Variants in DGKH observed in about 807,000 individuals in gnomAD.
DGKH encodes DAG kinase eta.
Under a neutral mutation model 159.3 loss-of-function variants are expected in DGKH, and 90 were observed. That is an observed-to-expected ratio of 0.57 (90% CI 0.48 to 0.67). The LOEUF is 0.67. DGKH is among the 30% of genes least tolerant of loss of function. The pLI is 0.00. For missense variants in DGKH, 1,181 were observed against 1,506.1 expected, an observed-to-expected ratio of 0.78 and a Z score of 3.57; for synonymous variants, 536 against 553.8, an observed-to-expected ratio of 0.97 and a Z score of 0.45.
At chr13:42,173,522 G>T (rs1338854543) in intron 11 of DGKH, among the ~76,000 whole-genome samples, 1 of 151,994 alleles carries the variant, frequency 6.6e-6, no homozygotes, top group Admixed American at 6.6e-5. Flanking sequence ...TTTAAGAAGG[G>T]GTATTTAGCT....
Position 42,233,938 on chromosome 13 carries a change from G to C in DGKH, c.*4750G>C, listed in dbSNP as rs558550941. The stretch of plus-strand genomic sequence containing the variant: ...TACACACACATTGAATGAATTGTTA[G>C]TCATGCAAAAAAAGAAAAGGAATGA... On this transcript the variant is annotated 3_prime_UTR_variant, in exon 30 of 30. Coordinates refer to ENST00000337343, the MANE Select transcript of DGKH (RefSeq NM_178009.5). The C allele has an allele frequency of 6.6e-6, 1 of 152,202 alleles. No individual in the cohort carries two copies. The highest frequency in any genetic ancestry group is 1.5e-5 in the Non-Finnish European group (1 of 68,014). The allele number at this position is 152,202 out of a possible 1,614,324, so 9.4% of individuals were successfully genotyped here.
chr13:42,159,244 CT>C (rs57531279), intron 5 of DGKH, 21 bp from the exon 6 acceptor site: 16,651 of 214,618 alleles, frequency 0.078, 454 homozygotes, highest in East Asian at 0.21. Flanking sequence ...AGCAGTTGCT[CT>C]TTTTTTTTTT....
At chr13:42,070,095 A>T in intron 1 of DGKH, 1 of 963,372 alleles carries the variant, frequency 1.0e-6, no homozygotes, top group Non-Finnish European at 1.7e-6. Flanking sequence ...CTTCAATATG[A>T]AAAGGATGGC....
chr13:42,185,263 A>C (rs1566169213), intron 13 of DGKH, among the ~76,000 whole-genome samples: 1 of 152,248 alleles, frequency 6.6e-6, no homozygotes, highest in Non-Finnish European at 1.5e-5. Flanking sequence ...ATGGAACTTA[A>C]TGAGCAATAA....
Position 42,242,689 on chromosome 13 carries a change from A to G in DGKH, c.*13501A>G, listed in dbSNP as rs1320114801. 1 of 152,182 alleles carries G rather than the reference A, an allele frequency of 6.6e-6. No homozygotes were observed. The highest frequency in any genetic ancestry group is 2.4e-5 in the African/African-American group (1 of 41,436). The allele number at this position is 152,182 out of a possible 1,614,324, so 9.4% of individuals were successfully genotyped here. A position where few individuals can be genotyped will look rare whatever the true frequency, so the allele number is the denominator to read the frequency against. ...TTTGTTAATGTAGCTAGTAATTTTT[A>G]TGACTACTAAGTGACCAGTTTTCGG... On this transcript the variant is annotated 3_prime_UTR_variant, in exon 30 of 30. Transcript: ENST00000337343.
At chr13:42,157,596 C>T (rs371985668) in intron 5 of DGKH, among the ~76,000 whole-genome samples, 17 of 152,200 alleles carry the variant, frequency 1.1e-4, no homozygotes, top group South Asian at 2.1e-4. Flanking sequence ...TAAGCCACCA[C>T]GCCCAGCCTC....
chr13:42,221,409 C>T lies in DGKH; in HGVS notation c.3573+15C>T, dbSNP rs1183177063. On this transcript the variant is annotated intron_variant, in intron 29 of 29. Coordinates refer to ENST00000337343, the MANE Select transcript of DGKH (RefSeq NM_178009.5). ...GAGATCTTAAGGTATTTCCTTTGTGCTCTTCTGTTCTTGAAAATTTTATTG... is the reference window on the plus strand; with the variant it reads ...GAGATCTTAAGGTATTTCCTTTGTGTTCTTCTGTTCTTGAAAATTTTATTG... 14 of 1,609,504 alleles carry T rather than the reference C, an allele frequency of 8.7e-6. No individual in the cohort carries two copies. The highest frequency in any genetic ancestry group is 1.0e-5 in the Non-Finnish European group (12 of 1,178,324).
In DGKH at chr13:42,214,047, T is replaced by G. The variant is rs193007993; in HGVS notation, c.3015-460T>G. On this transcript the variant is annotated intron_variant, in intron 24 of 29. Transcript: ENST00000337343. ...GGAGATAGTAAATCATAGCTACATT[T>G]AAAGGCTGTGAATGTTAACTTATAT... 1.0e-3 allele frequency among the ~76,000 whole-genome samples: 154 copies of G among 152,308 alleles called. 2 individuals carry two copies. The highest frequency in any genetic ancestry group is 2.0e-3 in the Non-Finnish European group (134 of 68,012).
At chr13:42,215,054 T>G (rs1484419624) in intron 25 of DGKH, among the ~76,000 whole-genome samples, 1 of 152,170 alleles carries the variant, frequency 6.6e-6, no homozygotes, top group Non-Finnish European at 1.5e-5. Flanking sequence ...AAATTGATGC[T>G]TCTGTAAAAT....
At chr13:42,125,421 G>A (rs1249942398) in intron 1 of DGKH, among the ~76,000 whole-genome samples, 2 of 152,174 alleles carry the variant, frequency 1.3e-5, no homozygotes, top group African/African-American at 4.8e-5. Context: ...TAAGTTAGAT[G>A]CAACAAGCTT....
chr13:42,074,048 A>G (rs2137700799), intron 1 of DGKH, among the ~76,000 whole-genome samples: 1 of 152,344 alleles, frequency 6.6e-6, no homozygotes, highest in Middle Eastern at 3.4e-3. Context: ...AAGATGAACT[A>G]GAAAATTTAC....
At chr13:42,070,581 G>A (rs1882896702) in intron 1 of DGKH, 9 of 1,581,078 alleles carry the variant, frequency 5.7e-6, no homozygotes, top group Non-Finnish European at 6.9e-6. Context: ...CAAGACCAAA[G>A]TCGCCTATCT....
chr13:42,168,207 C>G (rs1406098604), intron 9 of DGKH, among the ~76,000 whole-genome samples: 1 of 152,112 alleles, frequency 6.6e-6, no homozygotes, highest in African/African-American at 2.4e-5. Flanking sequence ...CATTTCTCAC[C>G]CCCATTCCTC....
At position 42,229,369 on chromosome 13, in the gene DGKH, C is replaced by T; in HGVS notation, c.*181C>T. 1.9e-6 allele frequency: 1 copy of T among 540,494 alleles called. No individual in the cohort carries two copies. Among genetic ancestry groups the T allele is most frequent in the Non-Finnish European group, 3.2e-6 (1 of 314,010 alleles). 33.5% of individuals were successfully genotyped at this position (540,494 alleles called of 1,614,324 possible). On this transcript the variant is annotated 3_prime_UTR_variant, in exon 30 of 30. Coordinates refer to ENST00000337343, the MANE Select transcript of DGKH (RefSeq NM_178009.5). Reference sequence around the variant, plus strand: ...TGAGGTATTAGAAAATATTTTTGTGCCGAACAATACATTCCACAAAGCCAT... The same window carrying T: ...TGAGGTATTAGAAAATATTTTTGTGTCGAACAATACATTCCACAAAGCCAT...
At chr13:42,216,122 G>T (rs1194181636) in intron 26 of DGKH, among the ~76,000 whole-genome samples, 2 of 152,214 alleles carry the variant, frequency 1.3e-5, no homozygotes, top group Non-Finnish European at 2.9e-5. Context: ...CAAGAACTCT[G>T]CCTTGTTTAA....
Position 42,233,783 on chromosome 13 carries a change from G to A in DGKH, c.*4595G>A, listed in dbSNP as rs1958355684. 6.6e-6 allele frequency: 1 copy of A among 152,124 alleles called. No homozygotes were observed. The highest frequency in any genetic ancestry group is 2.4e-5 in the African/African-American group (1 of 41,416). 9.4% of individuals were successfully genotyped at this position (152,124 alleles called of 1,614,324 possible). A position where few individuals can be genotyped will look rare whatever the true frequency, so the allele number is the denominator to read the frequency against. On this transcript the variant is annotated 3_prime_UTR_variant, in exon 30 of 30. Transcript: ENST00000337343. ...GTTCATTTGTTCACAACTTAATCAC[G>A]GGGGACATTTCAGAAAAATGTGTAC...
chr13:42,120,368 A>G (rs1285598147), intron 1 of DGKH, among the ~76,000 whole-genome samples: 2 of 152,354 alleles, frequency 1.3e-5, no homozygotes, highest in African/African-American at 2.4e-5. Context: ...ACTATGTAGT[A>G]TATCTTCAAA....
intron 1 of DGKH, among the ~76,000 whole-genome samples, chr13:42,095,155 C>A (rs1303370204): frequency 1.0e-5 from 1 of 99,678 alleles, no homozygotes; most frequent in Non-Finnish European, 2.1e-5. Flanking sequence ...AATGTTGACT[C>A]CTTTTTTTTT....
intron 3 of DGKH, among the ~76,000 whole-genome samples, chr13:42,142,030 T>G (rs1393291934): frequency 2.0e-5 from 3 of 151,532 alleles, no homozygotes; most frequent in Non-Finnish European, 4.4e-5. Flanking sequence ...TGGTTTTAGG[T>G]CTAACATTTA....
Sources: gnomAD v4.1 joint callset for allele counts (sites outside exome capture counted in the v4.1 genomes callset) on GRCh38, gnomAD v4.1.1 for gene constraint, MANE v1.5 for transcripts, NCBI Gene and HGNC (gene_info 2026-07-23, HGNC 2026-07-21) for gene names.